Variants in CSMD1 observed in about 807,000 individuals in gnomAD.
CSMD1 encodes the protein CUB and sushi domain-containing protein 1.
CSMD1 carries 213 observed loss-of-function variants against 417.5 expected under a neutral mutation model. That is an observed-to-expected ratio of 0.51 (90% CI 0.46 to 0.57). The LOEUF (loss-of-function observed/expected upper bound fraction) is 0.57. Among genes scored for constraint, CSMD1 ranks in the 20% least tolerant of loss-of-function variants. CSMD1 has a pLI of 0.00. For synonymous variants in CSMD1, 2,862 were observed against 1,736.8 expected, an observed-to-expected ratio of 1.65 and a Z score of -16.11; for missense variants, 6,923 against 4,529.7, an observed-to-expected ratio of 1.53 and a Z score of -15.17.
intron 2 of CSMD1, among the ~76,000 whole-genome samples, chr8:4,465,796 T>C (rs1053354882): frequency 6.6e-6 from 1 of 152,180 alleles, no homozygotes; most frequent in East Asian, 1.9e-4. Context: ...TGGTTATGGG[T>C]ACTTTACTGC....
At chr8:3,549,618 C>A (rs929381275) in intron 10 of CSMD1, among the ~76,000 whole-genome samples, 2 of 152,136 alleles carry the variant, frequency 1.3e-5, no homozygotes, top group Non-Finnish European at 2.9e-5. Context: ...TTTTTAAAAA[C>A]AGGAGGAGAA....
chr8:4,262,635 AG>A (rs1803968038), intron 3 of CSMD1, among the ~76,000 whole-genome samples: 1 of 152,106 alleles, frequency 6.6e-6, no homozygotes, highest in Non-Finnish European at 1.5e-5. Context: ...ATCGCCACCC[AG>A]TTAGCCTGGG....
At chr8:4,438,613 A>G (rs1297639037) in intron 2 of CSMD1, among the ~76,000 whole-genome samples, 1 of 152,114 alleles carries the variant, frequency 6.6e-6, no homozygotes, top group African/African-American at 2.4e-5. Context: ...TCATGCTCCT[A>G]TTATTTTATA....
chr8:4,497,828 C>T (rs944428589), intron 2 of CSMD1, among the ~76,000 whole-genome samples: 4 of 152,150 alleles, frequency 2.6e-5, no homozygotes, highest in Non-Finnish European at 4.4e-5. Context: ...CCAGAATCAA[C>T]GGTAGAAAAA....
chr8:3,188,020 T>G, intron 35 of CSMD1, 55 bp from the exon 36 acceptor site: 1 of 1,399,638 alleles, frequency 7.1e-7, no homozygotes, highest in Non-Finnish European at 9.9e-7. Context: ...ACAATTAGTC[T>G]AATTAGATGG....
intron 10 of CSMD1, among the ~76,000 whole-genome samples, chr8:3,552,300 G>A (rs1230586826): frequency 6.6e-6 from 1 of 151,454 alleles, no homozygotes; most frequent in Non-Finnish European, 1.5e-5. Context: ...TCATCCACAT[G>A]GCATGAAAAA....
intron 2 of CSMD1, among the ~76,000 whole-genome samples, chr8:4,466,380 G>A (rs1465046404): frequency 5.9e-5 from 9 of 152,186 alleles, no homozygotes; most frequent in Non-Finnish European, 8.8e-5. Flanking sequence ...GAGATGTATC[G>A]GGGAGTTGAA....
chr8:4,339,600 T>A (rs1800362344), intron 3 of CSMD1, among the ~76,000 whole-genome samples: 1 of 152,076 alleles, frequency 6.6e-6, no homozygotes, highest in African/African-American at 2.4e-5. Context: ...AAAGAACAGG[T>A]GGGAAATCGC....
chr8:4,766,477 G>A (rs1812473431), intron 1 of CSMD1, among the ~76,000 whole-genome samples: 1 of 152,158 alleles, frequency 6.6e-6, no homozygotes, highest in Admixed American at 6.6e-5. Context: ...AAAGAAGAGA[G>A]CTGCAACCAG....
rs567986170 is a variant in CSMD1, at chr8:4,867,929, T to A, written c.85+126403A>T. 2.0e-5 allele frequency among the ~76,000 whole-genome samples: 3 copies of A among 146,858 alleles called. No homozygotes were observed. In the South Asian group the frequency reaches 6.8e-4, roughly 33 times the overall value. ...TTGAATTTTCGAGCTAAGACCCTACTGTCTACGTGTGTGTGTTTCTACAAG... is the reference window on the plus strand; with the variant it reads ...TTGAATTTTCGAGCTAAGACCCTACAGTCTACGTGTGTGTGTTTCTACAAG... On this transcript the variant is annotated intron_variant, in intron 1 of 69. Transcript: ENST00000635120.
At chr8:2,956,233 C>A (rs1802998901) in intron 63 of CSMD1, among the ~76,000 whole-genome samples, 2 of 151,886 alleles carry the variant, frequency 1.3e-5, no homozygotes, top group South Asian at 2.1e-4. Context: ...AAATTTATTA[C>A]TCAATTTAAT....
At chr8:4,249,041 T>G (rs1802887613) in intron 3 of CSMD1, among the ~76,000 whole-genome samples, 1 of 152,224 alleles carries the variant, frequency 6.6e-6, no homozygotes, top group Non-Finnish European at 1.5e-5. Flanking sequence ...CATATGCTAC[T>G]CAATGAATTT....
intron 10 of CSMD1, among the ~76,000 whole-genome samples, chr8:3,499,910 G>C (rs1796525276): frequency 6.6e-6 from 1 of 152,124 alleles, no homozygotes; most frequent in Non-Finnish European, 1.5e-5. Flanking sequence ...GAACAAGAGA[G>C]GAACCCGGTG....
At chr8:3,220,272 T>C (rs535982073) in intron 28 of CSMD1, among the ~76,000 whole-genome samples, 11 of 152,282 alleles carry the variant, frequency 7.2e-5, no homozygotes, top group African/African-American at 1.2e-4. Context: ...CAGTTTTTTT[T>C]CTCTGTCCCT....
At chr8:3,240,448 T>TG (rs1048164008) in intron 26 of CSMD1, among the ~76,000 whole-genome samples, 156 of 151,410 alleles carry the variant, frequency 1.0e-3, no homozygotes, top group African/African-American at 3.7e-3. Context: ...TTATAGGTGT[T>TG]GGGGTTTGAG....
At chr8:3,840,407 G>C (rs948162000) in intron 5 of CSMD1, among the ~76,000 whole-genome samples, 1 of 152,072 alleles carries the variant, frequency 6.6e-6, no homozygotes, top group Non-Finnish European at 1.5e-5. Flanking sequence ...AAGCAAAATA[G>C]ATAACGTTGT....
intron 3 of CSMD1, among the ~76,000 whole-genome samples, chr8:4,156,997 T>C (rs1353371894): frequency 6.6e-6 from 1 of 152,108 alleles, no homozygotes; most frequent in Non-Finnish European, 1.5e-5. Context: ...CCAGATGATA[T>C]TAAGTAGGGG....
chr8:2,966,042 G>T, intron 58 of CSMD1, 88 bp from the exon 59 acceptor site: 1 of 1,206,124 alleles, frequency 8.3e-7, no homozygotes, highest in South Asian at 1.4e-5. Flanking sequence ...TACTCTCTCT[G>T]AGTTGCTATT....
intron 3 of CSMD1, among the ~76,000 whole-genome samples, chr8:4,091,533 C>T (rs1025514932): frequency 8.5e-5 from 13 of 152,256 alleles, no homozygotes; most frequent in African/African-American, 2.2e-4. Flanking sequence ...TTAAAGCTGG[C>T]ACTCAGCAAT....
Sources: gnomAD v4.1 joint callset for allele counts (sites outside exome capture counted in the v4.1 genomes callset) on GRCh38, gnomAD v4.1.1 for gene constraint, MANE v1.5 for transcripts, NCBI Gene and HGNC (gene_info 2026-07-23, HGNC 2026-07-21) for gene names.